ALX4: variants seen among roughly 807,000 people sequenced by gnomAD.
ALX4 encodes homeobox protein aristaless-like 4.
In ALX4, 22 loss-of-function variants were observed where a neutral mutation model predicts 40.6. The ratio of observed to expected loss-of-function variants is 0.54; its 90% CI spans 0.39 to 0.77. The LOEUF is 0.77. Ranked by LOEUF, ALX4 falls within the 30% of genes least tolerant of loss-of-function variation. The pLI is 0.00. For missense variants in ALX4, 556 were observed against 564.8 expected, an observed-to-expected ratio of 0.98 and a Z score of 0.16; for synonymous variants, 266 against 240.5, an observed-to-expected ratio of 1.11 and a Z score of -0.98.
At chr11:44,303,456 C>T (rs1200916231) in intron 1 of ALX4, among the ~76,000 whole-genome samples, 1 of 152,154 alleles carries the variant, frequency 6.6e-6, no homozygotes, top group Non-Finnish European at 1.5e-5. Flanking sequence ...CCCCTCCTCA[C>T]CAAAACGGCA....
intron 2 of ALX4, among the ~76,000 whole-genome samples, chr11:44,272,823 T>TA (rs35424807): frequency 4.8e-4 from 72 of 149,272 alleles, no homozygotes; most frequent in Admixed American, 2.7e-3. Flanking sequence ...AATAAAAAAA[T>TA]AAAAAAAAAA....
intron 3 of ALX4, among the ~76,000 whole-genome samples, chr11:44,266,835 G>C (rs1300834245): frequency 6.6e-6 from 1 of 152,158 alleles, no homozygotes; most frequent in Non-Finnish European, 1.5e-5. Context: ...CAGACACCTA[G>C]GGAAAATGCT....
At chr11:44,302,701 C>T (rs112228155) in intron 1 of ALX4, among the ~76,000 whole-genome samples, 1,616 of 152,290 alleles carry the variant, frequency 0.011, 14 homozygotes, top group Middle Eastern at 0.048. Flanking sequence ...CAGTCCTGAG[C>T]CCAGAACCTG....
chr11:44,293,354 G>A (rs1463635977), intron 1 of ALX4, among the ~76,000 whole-genome samples: 3 of 151,604 alleles, frequency 2.0e-5, no homozygotes, highest in East Asian at 2.0e-4. Flanking sequence ...TGAGGTGGGC[G>A]GATCACCTGA....
At chr11:44,297,055 C>G (rs112685933) in intron 1 of ALX4, among the ~76,000 whole-genome samples, 2 of 144,850 alleles carry the variant, frequency 1.4e-5, no homozygotes, top group African/African-American at 2.6e-5. Context: ...GGAAAATCCA[C>G]AGAGAGAGAG....
In ALX4 at chr11:44,309,783, G is replaced by C; in HGVS notation, c.280C>G (p.Pro94Ala). ...RGSFNKFQPQPSTPQPQPPPQ... is the reference protein window; with the variant it reads ...RGSFNKFQPQASTPQPQPPPQ... ...GGCGGCTGGGGCTGCGGGGTCGACG[G>C]CTGGGGCTGGAACTTGTTAAAGGAG... Residue 94 changes from proline to alanine, a missense_variant, in exon 1 of 4, where the codon CCG becomes GCG. Pro to Ala is a conservative substitution (Grantham distance 27). Transcript: ENST00000652299. The C allele has an allele frequency of 6.5e-7, 1 of 1,548,796 alleles. No homozygotes were observed. Among genetic ancestry groups the C allele is most frequent in the South Asian group, 1.2e-5 (1 of 84,184 alleles).
At chr11:44,297,049 A>C (rs1956406895) in intron 1 of ALX4, among the ~76,000 whole-genome samples, 1 of 150,082 alleles carries the variant, frequency 6.7e-6, no homozygotes, top group Non-Finnish European at 1.5e-5. Flanking sequence ...ACAGTAGGAA[A>C]ATCCACAGAG....
chr11:44,295,186 C>T (rs1167013551), intron 1 of ALX4, among the ~76,000 whole-genome samples: 2 of 152,102 alleles, frequency 1.3e-5, no homozygotes, highest in Admixed American at 1.3e-4. Flanking sequence ...TAAGCCTCAC[C>T]CTATCACTAA....
At chr11:44,298,573 G>A (rs1956416966) in intron 1 of ALX4, among the ~76,000 whole-genome samples, 1 of 152,186 alleles carries the variant, frequency 6.6e-6, no homozygotes, top group Non-Finnish European at 1.5e-5. Flanking sequence ...GAGACCTGAG[G>A]AGGAGAGTTG....
At chr11:44,289,598 C>G (rs1298273586) in intron 1 of ALX4, among the ~76,000 whole-genome samples, 1 of 152,188 alleles carries the variant, frequency 6.6e-6, no homozygotes, top group African/African-American at 2.4e-5. Context: ...ATGGAGGGGT[C>G]AGGCAGGCTT....
intron 1 of ALX4, among the ~76,000 whole-genome samples, chr11:44,287,115 C>T (rs573008334): frequency 2.0e-5 from 3 of 152,338 alleles, no homozygotes; most frequent in East Asian, 1.9e-4. Context: ...AGGCATCCGC[C>T]GAGGCAGGGT....
chr11:44,273,593 TCA>T (rs1956261137), intron 2 of ALX4, among the ~76,000 whole-genome samples: 2 of 152,152 alleles, frequency 1.3e-5, no homozygotes, highest in African/African-American at 4.8e-5. Flanking sequence ...CTCAAGGAAA[TCA>T]CAGTTTAGTA....
intron 2 of ALX4, among the ~76,000 whole-genome samples, chr11:44,274,227 T>TGTTGG (rs950220995): frequency 6.6e-6 from 1 of 151,892 alleles, no homozygotes; most frequent in South Asian, 2.1e-4. Context: ...GCTTCTGTTG[T>TGTTGG]GTTGGGTTGG....
chr11:44,297,841 C>G (rs1296102557), intron 1 of ALX4, among the ~76,000 whole-genome samples: 1 of 152,212 alleles, frequency 6.6e-6, no homozygotes, highest in Non-Finnish European at 1.5e-5. Context: ...TCATGTTCTT[C>G]CCTTACCCGA....
rs1181946890 is a variant in ALX4 at position 44,309,612 on chromosome 11, G to T, written c.451C>A (p.Gln151Lys). Residue 151 changes from glutamine to lysine, a missense_variant, in exon 1 of 4, where the codon CAG becomes AAG. Physicochemically the swap from Gln to Lys is moderately conservative, Grantham distance 53. Coordinates refer to ENST00000652299, the MANE Select transcript of ALX4 (RefSeq NM_021926.4). ...GTGCACTCACCGTAGCAGGGAACCT[G>T]CAAGGCCGCGCTGTGGCCGCTGCTG... ...EGSSGHSAAL[Q>K]VPCYAKESSL... 2 of 1,586,550 alleles carry T rather than the reference G, an allele frequency of 1.3e-6. No homozygotes were observed. Among genetic ancestry groups the T allele is most frequent in the Admixed American group, 3.4e-5 (2 of 59,000 alleles).
chr11:44,309,354 G>C (rs925557744), intron 1 of ALX4, among the ~76,000 whole-genome samples: 1 of 152,262 alleles, frequency 6.6e-6, no homozygotes, highest in African/African-American at 2.4e-5. Context: ...CGAAGGGACC[G>C]GGAAAAACAA....
intron 1 of ALX4, among the ~76,000 whole-genome samples, 199 bp downstream of exon 1, chr11:44,309,398 G>A (rs1054906603): frequency 6.6e-6 from 1 of 152,234 alleles, no homozygotes; most frequent in Non-Finnish European, 1.5e-5. Flanking sequence ...GAAACGCTCC[G>A]TGCCTAGGCC....
chr11:44,277,835 A>T (rs1312130982), intron 1 of ALX4, among the ~76,000 whole-genome samples: 2 of 152,162 alleles, frequency 1.3e-5, no homozygotes, highest in Non-Finnish European at 2.9e-5. Flanking sequence ...TGCAGACGCC[A>T]TGGGGGTGCA....
chr11:44,308,749 A>C (rs1450528329), intron 1 of ALX4, among the ~76,000 whole-genome samples: 1 of 152,158 alleles, frequency 6.6e-6, no homozygotes, highest in African/African-American at 2.4e-5. Flanking sequence ...CGTGGGCTCA[A>C]ATCAGGACCC....
Sources: gnomAD v4.1 joint callset for allele counts (sites outside exome capture counted in the v4.1 genomes callset) on GRCh38, gnomAD v4.1.1 for gene constraint, MANE v1.5 for transcripts, NCBI Gene and HGNC (gene_info 2026-07-23, HGNC 2026-07-21) for gene names.